TBC1D22A: variants seen among roughly 807,000 people sequenced by gnomAD.
TBC1D22A encodes TBC1 domain family member 22A, also known as putative GTPase activator.
In TBC1D22A, 38 loss-of-function variants were observed where a neutral mutation model predicts 60.2. The observed-to-expected ratio is 0.63, with a 90% CI of 0.49 to 0.83. The LOEUF (loss-of-function observed/expected upper bound fraction) is 0.83, where lower values mean the gene tolerates loss of function less well. Among genes scored for constraint, TBC1D22A ranks in the 40% least tolerant of loss-of-function variants. The pLI, the probability that TBC1D22A is intolerant of heterozygous loss-of-function variation, is 0.00. For missense variants in TBC1D22A, 628 were observed against 701.0 expected (o/e 0.90, Z 1.18); for synonymous variants, 302 against 281.7 (o/e 1.07, Z -0.72).
At chr22:47,071,768 G>GT (rs1386727333) in intron 11 of TBC1D22A, among the ~76,000 whole-genome samples, 1 of 152,170 alleles carries the variant, frequency 6.6e-6, no homozygotes, top group Non-Finnish European at 1.5e-5. Context: ...ATAAATGAAA[G>GT]TTATTTCCTC....
At chr22:46,857,641 G>A (rs766996908) in intron 4 of TBC1D22A, among the ~76,000 whole-genome samples, 1 of 152,042 alleles carries the variant, frequency 6.6e-6, no homozygotes, top group African/African-American at 2.4e-5. Flanking sequence ...GTACCCATTA[G>A]TAGTCGTTCC....
intron 10 of TBC1D22A, among the ~76,000 whole-genome samples, chr22:46,999,726 G>GA (rs1171546549): frequency 5.3e-5 from 8 of 151,384 alleles, no homozygotes; most frequent in South Asian, 2.1e-4. Context: ...ATTGCTTAAA[G>GA]AAAAAAAAAG....
intron 4 of TBC1D22A, among the ~76,000 whole-genome samples, chr22:46,804,699 T>C (rs2085053689): frequency 6.6e-6 from 1 of 152,252 alleles, no homozygotes; most frequent in African/African-American, 2.4e-5. Flanking sequence ...AATTAGGAAT[T>C]TTATTTACTA....
chr22:47,144,470 C>T (rs904556660), intron 12 of TBC1D22A, among the ~76,000 whole-genome samples: 8 of 152,354 alleles, frequency 5.3e-5, no homozygotes, highest in African/African-American at 1.2e-4. Flanking sequence ...TGGGTCGCCA[C>T]GCAAGGCGGT....
At chr22:46,843,858 C>T (rs1022915148) in intron 4 of TBC1D22A, among the ~76,000 whole-genome samples, 2 of 151,984 alleles carry the variant, frequency 1.3e-5, no homozygotes, top group Non-Finnish European at 2.9e-5. Context: ...GGGAGTAGCA[C>T]CCGGCAGCAC....
At chr22:47,091,015 T>G in intron 11 of TBC1D22A, among the ~76,000 whole-genome samples, 1 of 118,356 alleles carries the variant, frequency 8.4e-6, no homozygotes, top group South Asian at 3.0e-4. Flanking sequence ...GGCTGCTTGT[T>G]GATAGAGACA....
At chr22:46,894,495 A>AAC (rs2068567493) in intron 6 of TBC1D22A, among the ~76,000 whole-genome samples, 2 of 152,230 alleles carry the variant, frequency 1.3e-5, no homozygotes, top group African/African-American at 2.4e-5. Context: ...GGCTGATGTT[A>AAC]CTAAGCAGCC....
In TBC1D22A at chr22:46,904,120, TA is replaced by T. The variant is rs1453456586; in HGVS notation, c.901-7953del. Among the ~76,000 whole-genome samples, 57 of 85,554 alleles carry T rather than the reference TA, an allele frequency of 6.7e-4. 2 individuals are homozygous for T. The highest frequency in any genetic ancestry group is 6.4e-3 in the Admixed American group (48 of 7,516). 56.1% of individuals were successfully genotyped at this position (85,554 alleles called of 152,430 possible). A position where few individuals can be genotyped will look rare whatever the true frequency, so the allele number is the denominator to read the frequency against. On this transcript the variant is annotated intron_variant, in intron 7 of 12. Transcript: ENST00000337137. ...AAATCTATCTATCTATCTATCTATC[TA>T]TCTATCTATCTATCTATCTATCTAC...
At chr22:46,865,287 T>A (rs1279382741) in intron 4 of TBC1D22A, among the ~76,000 whole-genome samples, 1 of 152,224 alleles carries the variant, frequency 6.6e-6, no homozygotes, top group Non-Finnish European at 1.5e-5. Context: ...GATGTTTTAT[T>A]GTTTTACACT....
chr22:46,868,687 G>A (rs1388574329), intron 4 of TBC1D22A, among the ~76,000 whole-genome samples: 1 of 152,172 alleles, frequency 6.6e-6, no homozygotes, highest in Non-Finnish European at 1.5e-5. Flanking sequence ...TAATTTTGCA[G>A]ATTTTTACAG....
intron 12 of TBC1D22A, among the ~76,000 whole-genome samples, chr22:47,169,804 A>T (rs1175022049): frequency 6.6e-6 from 1 of 152,210 alleles, no homozygotes; most frequent in East Asian, 1.9e-4. Flanking sequence ...AGATCCACAG[A>T]TGTGGCCATT....
At chr22:46,787,932 CTTTTTT>C (rs547496103) in intron 1 of TBC1D22A, among the ~76,000 whole-genome samples, 6 of 107,152 alleles carry the variant, frequency 5.6e-5, no homozygotes, top group African/African-American at 2.2e-4. Context: ...GGGCAGGCTA[CTTTTTT>C]TTTTTTTTTT....
intron 10 of TBC1D22A, among the ~76,000 whole-genome samples, chr22:47,014,196 C>T (rs1167446770): frequency 6.6e-6 from 1 of 152,190 alleles, no homozygotes; most frequent in Non-Finnish European, 1.5e-5. Context: ...CAGCGGTGGC[C>T]CGGGCTTTTG....
intron 4 of TBC1D22A, among the ~76,000 whole-genome samples, chr22:46,827,365 C>G (rs1461698780): frequency 6.6e-6 from 1 of 152,222 alleles, no homozygotes; most frequent in African/African-American, 2.4e-5. Flanking sequence ...GTTCAATGTC[C>G]TCTTAATGAC....
chr22:46,861,303 C>G (rs984843658), intron 4 of TBC1D22A, among the ~76,000 whole-genome samples: 2 of 152,160 alleles, frequency 1.3e-5, no homozygotes, highest in African/African-American at 4.8e-5. Flanking sequence ...AGGACAGTTT[C>G]TAGAATAAAA....
At chr22:46,841,230 T>G (rs2086756565) in intron 4 of TBC1D22A, among the ~76,000 whole-genome samples, 1 of 152,174 alleles carries the variant, frequency 6.6e-6, no homozygotes, top group Non-Finnish European at 1.5e-5. Context: ...GGAGCCCTCA[T>G]GGATGAGGTT....
chr22:46,802,623 C>G (rs2084945593), intron 4 of TBC1D22A, among the ~76,000 whole-genome samples: 1 of 152,196 alleles, frequency 6.6e-6, no homozygotes. Context: ...TCGAGCACAG[C>G]ATGAAGCCTC....
At chr22:46,988,294 G>C (rs2074805073) in intron 9 of TBC1D22A, among the ~76,000 whole-genome samples, 1 of 152,200 alleles carries the variant, frequency 6.6e-6, no homozygotes, top group Admixed American at 6.5e-5. Flanking sequence ...CTAACTTGCA[G>C]TTAATGTTGG....
Position 46,908,885 on chromosome 22 carries a change from G to A in TBC1D22A, c.901-3189G>A, listed in dbSNP as rs79640281. ...TAGTGCATTCCATGTCTCTCCCGAG[G>A]CTGTGCTCAGGCAGAACTCGGTCTA... On this transcript the variant is annotated intron_variant, in intron 7 of 12. Transcript: ENST00000337137. 3.2e-3 allele frequency among the ~76,000 whole-genome samples: 487 copies of A among 152,284 alleles called. 5 individuals carry two copies. The highest frequency in any genetic ancestry group is 6.6e-3 in the African/African-American group (274 of 41,554).
Sources: gnomAD v4.1 joint callset for allele counts (sites outside exome capture counted in the v4.1 genomes callset) on GRCh38, gnomAD v4.1.1 for gene constraint, MANE v1.5 for transcripts, NCBI Gene and HGNC (gene_info 2026-07-23, HGNC 2026-07-21) for gene names.